RBFOX1: variants seen among roughly 807,000 people sequenced by gnomAD.
RBFOX1 encodes RNA binding fox-1 homolog 1, also known as RNA binding protein fox-1 homolog 1.
RBFOX1 carries 8 observed loss-of-function variants against 57.7 expected under a neutral mutation model. The observed-to-expected ratio is 0.14, with a 90% CI of 0.08 to 0.25. The LOEUF (loss-of-function observed/expected upper bound fraction) is 0.25. Ranked by LOEUF, RBFOX1 falls within the 10% of genes least tolerant of loss-of-function variation. The pLI, the probability that RBFOX1 is intolerant of heterozygous loss-of-function variation, is 1.00. For synonymous variants in RBFOX1, 326 were observed against 222.4 expected, an observed-to-expected ratio of 1.47 and a Z score of -4.15; for missense variants, 611 against 548.5, an observed-to-expected ratio of 1.11 and a Z score of -1.14.
chr16:5,435,168 G>A (rs1158385164), intron 1 of RBFOX1, among the ~76,000 whole-genome samples: 1 of 152,176 alleles, frequency 6.6e-6, no homozygotes, highest in Non-Finnish European at 1.5e-5. Flanking sequence ...TCTTCCCTGT[G>A]GTTCCCCCTG....
intron 1 of RBFOX1, among the ~76,000 whole-genome samples, chr16:6,236,526 C>T (rs2097506327): frequency 6.6e-6 from 1 of 151,974 alleles, no homozygotes; most frequent in Admixed American, 6.6e-5. Context: ...CCTCTGTCTC[C>T]TGGGTTCAAG....
chr16:7,165,204 C>G lies in RBFOX1; in HGVS notation c.27+113106C>G, dbSNP rs891301204. 4.6e-5 allele frequency among the ~76,000 whole-genome samples: 7 copies of G among 152,108 alleles called. No homozygotes were observed. The East Asian group carries it at 9.7e-4, about 21-fold the overall frequency. ...CAGGAAGGGATTAGCAAGACAGTCTCTATCTCTGCCACAGGTGTGACATGC... is the reference window on the plus strand; with the variant it reads ...CAGGAAGGGATTAGCAAGACAGTCTGTATCTCTGCCACAGGTGTGACATGC... On this transcript the variant is annotated intron_variant, in intron 4 of 15. Transcript: ENST00000550418.
rs80247661 is a variant in RBFOX1 at position 7,662,302 on chromosome 16, G to C, written c.891-2627G>C. Among the ~76,000 whole-genome samples, 329 of 152,212 alleles carry C rather than the reference G, an allele frequency of 2.2e-3. 5 individuals carry two copies. The highest frequency in any genetic ancestry group is 5.0e-3 in the Admixed American group (77 of 15,304). On this transcript the variant is annotated intron_variant, in intron 12 of 15. Coordinates refer to ENST00000550418, the MANE Select transcript of RBFOX1 (RefSeq NM_018723.4). ...GACTGCTGTCTAGTCTCTTGCCCTG[G>C]TCTCCTAATTCAGGTTCGAGTCTGT...
At chr16:7,305,903 C>A (rs2096171678) in intron 4 of RBFOX1, among the ~76,000 whole-genome samples, 5 of 152,174 alleles carry the variant, frequency 3.3e-5, no homozygotes, top group Admixed American at 3.3e-4. Context: ...TCCACAATTT[C>A]TGTGCCTTTG....
intron 3 of RBFOX1, among the ~76,000 whole-genome samples, chr16:7,042,789 G>C (rs1163092137): frequency 1.3e-5 from 2 of 152,108 alleles, no homozygotes; most frequent in East Asian, 1.9e-4. Flanking sequence ...AGCCGGGTGT[G>C]GTGGCGCTCA....
At chr16:7,070,104 T>C (rs961627878) in intron 4 of RBFOX1, among the ~76,000 whole-genome samples, 3 of 152,170 alleles carry the variant, frequency 2.0e-5, no homozygotes, top group South Asian at 2.1e-4. Flanking sequence ...TCTTGGATTA[T>C]TGAATAGGTT....
chr16:6,622,076 GA>G (rs1227626199), intron 2 of RBFOX1, among the ~76,000 whole-genome samples: 2 of 152,120 alleles, frequency 1.3e-5, no homozygotes, highest in African/African-American at 4.8e-5. Context: ...TGTGGAAAGG[GA>G]ATATGTATGG....
intron 5 of RBFOX1, among the ~76,000 whole-genome samples, chr16:7,566,950 A>G (rs921156077): frequency 6.6e-6 from 1 of 151,968 alleles, no homozygotes; most frequent in African/African-American, 2.4e-5. Flanking sequence ...AAAGAAATCG[A>G]TTAAGAAACA....
At chr16:7,037,648 A>G (rs2044913970) in intron 3 of RBFOX1, among the ~76,000 whole-genome samples, 1 of 152,252 alleles carries the variant, frequency 6.6e-6, no homozygotes, top group African/African-American at 2.4e-5. Flanking sequence ...GCACTCTTCT[A>G]ATTGCTTTGC....
At chr16:7,186,907 C>G (rs1198557989) in intron 4 of RBFOX1, among the ~76,000 whole-genome samples, 2 of 145,398 alleles carry the variant, frequency 1.4e-5, no homozygotes, top group East Asian at 4.1e-4. Context: ...CTTGTAATTT[C>G]AGCACTTTGG....
At position 6,535,889 on chromosome 16, in the gene RBFOX1, G is replaced by T. The variant is rs1236802032; in HGVS notation, c.-63-118714G>T. ...TAGATTTTTTAAAGTTTATTTTTCA[G>T]TTTCTTCCCTTTTCCTGCAGTCTCC... is the stretch of plus-strand genomic sequence containing the variant. On this transcript the variant is annotated intron_variant, in intron 2 of 15. Coordinates refer to ENST00000550418, the MANE Select transcript of RBFOX1 (RefSeq NM_018723.4). Among the ~76,000 whole-genome samples the T allele has an allele frequency of 3.3e-5, 5 of 152,006 alleles. No homozygotes were observed. The East Asian group carries it at 9.6e-4, about 29-fold the overall frequency.
intron 2 of RBFOX1, among the ~76,000 whole-genome samples, chr16:6,428,513 T>C (rs1176363758): frequency 1.3e-5 from 2 of 152,136 alleles, no homozygotes; most frequent in East Asian, 3.9e-4. Flanking sequence ...AACTTGTGCT[T>C]TCTGTGCCTT....
At chr16:6,926,088 T>G (rs1246879946) in intron 3 of RBFOX1, among the ~76,000 whole-genome samples, 1 of 151,946 alleles carries the variant, frequency 6.6e-6, no homozygotes. Flanking sequence ...GGTTGATCAC[T>G]TGAGGTCAGG....
chr16:7,262,074 A>T (rs140061249), intron 4 of RBFOX1, among the ~76,000 whole-genome samples: 1 of 152,134 alleles, frequency 6.6e-6, no homozygotes, highest in African/African-American at 2.4e-5. Context: ...AGGTTTCACT[A>T]TGTTTTCCTT....
rs1567499429 is a variant in RBFOX1 at position 6,118,792 on chromosome 16, TCTC to T, written c.-127+98801_-127+98803del. ...CCCTCTCTTTCTCCCTCTCTTTCTC[TCTC>T]TCCTTCCTTCCTTCCTTCCTTCCCT... On this transcript the variant is annotated intron_variant, in intron 1 of 15. Transcript: ENST00000550418. 1.5e-3 allele frequency among the ~76,000 whole-genome samples: 214 copies of T among 147,510 alleles called. 2 individuals carry two copies. Among genetic ancestry groups the T allele is most frequent in the African/African-American group, 4.9e-3 (187 of 38,128 alleles).
chr16:7,154,190 G>C (rs2076641046), intron 4 of RBFOX1, among the ~76,000 whole-genome samples: 1 of 152,168 alleles, frequency 6.6e-6, no homozygotes, highest in South Asian at 2.1e-4. Flanking sequence ...CAAGTGTTGT[G>C]AGACTAAGAA....
intron 3 of RBFOX1, among the ~76,000 whole-genome samples, chr16:5,748,968 A>G (rs1037076128): frequency 1.3e-5 from 2 of 152,092 alleles, no homozygotes; most frequent in Non-Finnish European, 2.9e-5. Flanking sequence ...CTTAGCCTTG[A>G]TGGTCTTTAC....
At chr16:6,150,616 T>A (rs893276831) in intron 1 of RBFOX1, among the ~76,000 whole-genome samples, 1 of 152,190 alleles carries the variant, frequency 6.6e-6, no homozygotes, top group Non-Finnish European at 1.5e-5. Context: ...TCTCTGCATA[T>A]TCTGTTTATT....
At chr16:6,297,794 G>A (rs9940893) in intron 1 of RBFOX1, among the ~76,000 whole-genome samples, 43,108 of 151,948 alleles carry the variant, frequency 0.28, 6,152 homozygotes, top group South Asian at 0.37. Context: ...GCATCTGAAC[G>A]CTGAGAGGAG....
Sources: allele counts gnomAD v4.1 joint callset (sites outside exome capture counted in the v4.1 genomes callset), GRCh38; gene constraint gnomAD v4.1.1; transcripts MANE v1.5; gene names NCBI Gene and HGNC (gene_info 2026-07-23, HGNC 2026-07-21).